CDH18: variants seen among roughly 807,000 people sequenced by gnomAD.
CDH18 encodes the protein cadherin-18.
In CDH18, 31 loss-of-function variants were observed where a neutral mutation model predicts 67.9. That is an observed-to-expected ratio of 0.46 (90% confidence interval 0.34 to 0.62). CDH18 has a LOEUF of 0.62. CDH18 is among the 20% of genes least tolerant of loss of function. CDH18 has a pLI of 0.01. For synonymous variants in CDH18, 362 were observed against 347.2 expected, an observed-to-expected ratio of 1.04 and a Z score of -0.48; for missense variants, 890 against 975.5, an observed-to-expected ratio of 0.91 and a Z score of 1.17.
At chr5:20,080,200 T>C (rs550763208) in intron 2 of CDH18, among the ~76,000 whole-genome samples, 2 of 152,328 alleles carry the variant, frequency 1.3e-5, no homozygotes, top group East Asian at 1.9e-4. Context: ...CTTTTCTTTA[T>C]ACATAATGAC....
At chr5:20,108,255 T>G (rs1314151551) in intron 2 of CDH18, among the ~76,000 whole-genome samples, 2 of 152,020 alleles carry the variant, frequency 1.3e-5, no homozygotes, top group South Asian at 2.1e-4. Context: ...AATTTTATTT[T>G]ATTTTTTTTT....
chr5:19,813,039 A>G (rs914947450), intron 3 of CDH18, among the ~76,000 whole-genome samples: 30 of 152,128 alleles, frequency 2.0e-4, no homozygotes, highest in African/African-American at 6.5e-4. Context: ...CTAACACAGG[A>G]ACAGAAAACC....
intron 11 of CDH18, among the ~76,000 whole-genome samples, chr5:19,485,709 T>C (rs764404939): frequency 6.6e-6 from 1 of 152,228 alleles, no homozygotes; most frequent in African/African-American, 2.4e-5. Flanking sequence ...TGCATCACAA[T>C]GAACAGAAGT....
At chr5:19,963,756 T>C (rs768029171) in intron 2 of CDH18, among the ~76,000 whole-genome samples, 2 of 151,804 alleles carry the variant, frequency 1.3e-5, no homozygotes, top group Non-Finnish European at 2.9e-5. Context: ...AATGGACAAA[T>C]AAAGTAATTT....
At chr5:19,759,232 T>C (rs1772020652) in intron 3 of CDH18, among the ~76,000 whole-genome samples, 1 of 152,210 alleles carries the variant, frequency 6.6e-6, no homozygotes, top group African/African-American at 2.4e-5. Flanking sequence ...ATCCACCTGT[T>C]TTCTGCACAG....
intron 3 of CDH18, among the ~76,000 whole-genome samples, chr5:19,776,238 GATCTAAGGAGGACAA>G (rs1279712671): frequency 6.6e-6 from 1 of 152,110 alleles, no homozygotes; most frequent in Non-Finnish European, 1.5e-5. Flanking sequence ...TAATTGTTAG[GATCTAAGGAGGACAA>G]ATGCACGTTT....
intron 1 of CDH18, among the ~76,000 whole-genome samples, chr5:20,508,180 A>G (rs2126471956): frequency 6.6e-6 from 1 of 151,688 alleles, no homozygotes. Context: ...CTTCTTCTCC[A>G]TGAGGGTAAT....
chr5:20,202,144 A>C (rs1374418851), intron 2 of CDH18, among the ~76,000 whole-genome samples: 1 of 152,202 alleles, frequency 6.6e-6, no homozygotes, highest in Non-Finnish European at 1.5e-5. Context: ...GCTGACAAAC[A>C]GTTTGCTGTA....
At chr5:19,724,604 C>T (rs1297483089) in intron 4 of CDH18, among the ~76,000 whole-genome samples, 1 of 151,798 alleles carries the variant, frequency 6.6e-6, no homozygotes, top group South Asian at 2.1e-4. Context: ...ATTTCAATAA[C>T]CTGGTTATGA....
chr5:19,874,006 G>T (rs1002401790), intron 2 of CDH18, among the ~76,000 whole-genome samples: 2 of 152,090 alleles, frequency 1.3e-5, no homozygotes, highest in African/African-American at 4.8e-5. Flanking sequence ...TTTCCACAAA[G>T]AACATGTTGC....
intron 2 of CDH18, among the ~76,000 whole-genome samples, chr5:19,965,029 G>A (rs1026884203): frequency 6.6e-6 from 1 of 152,044 alleles, no homozygotes; most frequent in South Asian, 2.1e-4. Context: ...CCATAAAATG[G>A]TTGTACTTAT....
chr5:20,454,850 G>T (rs924183719), intron 1 of CDH18, among the ~76,000 whole-genome samples: 1 of 152,050 alleles, frequency 6.6e-6, no homozygotes, highest in Non-Finnish European at 1.5e-5. Context: ...ATTCACTGCC[G>T]TTATAGCAAG....
At chr5:20,290,854 T>C (rs1447579020) in intron 1 of CDH18, among the ~76,000 whole-genome samples, 1 of 152,162 alleles carries the variant, frequency 6.6e-6, no homozygotes, top group Non-Finnish European at 1.5e-5. Flanking sequence ...TGTCATTCTA[T>C]GAAGCCTGGT....
intron 2 of CDH18, among the ~76,000 whole-genome samples, chr5:20,204,836 G>T (rs1019820437): frequency 2.0e-5 from 3 of 151,260 alleles, no homozygotes; most frequent in African/African-American, 7.3e-5. Flanking sequence ...TGTGATCTAG[G>T]TCATCATTTC....
At position 19,804,988 on chromosome 5, in the gene CDH18, A is replaced by C. The variant is rs1424471007; in HGVS notation, c.228+33771T>G. Among the ~76,000 whole-genome samples, 3 of 151,544 alleles carry C rather than the reference A, an allele frequency of 2.0e-5. No homozygotes were observed. The East Asian group carries it at 5.9e-4, about 30-fold the overall frequency. On this transcript the variant is annotated intron_variant, in intron 3 of 12. Coordinates refer to ENST00000382275, the MANE Select transcript of CDH18 (RefSeq NM_004934.5). ...TGGACAGGGTGTGGCTCTGTCACCC[A>C]GGCTGAAGTCCCATGGCACACAATC...
chr5:19,941,002 G>C (rs1794753905), intron 2 of CDH18, among the ~76,000 whole-genome samples: 2 of 152,124 alleles, frequency 1.3e-5, no homozygotes, highest in African/African-American at 2.4e-5. Context: ...GAAAAGTTCA[G>C]AGAGAGTAAA....
intron 10 of CDH18, among the ~76,000 whole-genome samples, chr5:19,510,643 T>C (rs1744960455): frequency 2.0e-5 from 3 of 152,080 alleles, no homozygotes; most frequent in African/African-American, 7.2e-5. Flanking sequence ...CTTTTTGATA[T>C]GGTTAGGTTT....
rs537507664 is a variant in CDH18 at position 20,469,059 on chromosome 5, G to T, written c.-580+106403C>A. On this transcript the variant is annotated intron_variant, in intron 1 of 14. Transcript: ENST00000507958. ...TTCTAGCCTCTTTGCAACACAGTAT[G>T]TAACGGTAATGGTGGCAACAGGAAG... 1.2e-3 allele frequency among the ~76,000 whole-genome samples: 180 copies of T among 152,292 alleles called. 1 individual carries two copies. Among genetic ancestry groups the T allele is most frequent in the African/African-American group, 4.3e-3 (178 of 41,560 alleles).
intron 2 of CDH18, among the ~76,000 whole-genome samples, chr5:19,915,576 C>T (rs574066082): frequency 7.8e-4 from 118 of 152,130 alleles, no homozygotes; most frequent in Non-Finnish European, 1.5e-3. Flanking sequence ...TATTTCTATA[C>T]TGTATTCATA....
Sources: gnomAD v4.1 joint callset for allele counts (sites outside exome capture counted in the v4.1 genomes callset) on GRCh38, gnomAD v4.1.1 for gene constraint, MANE v1.5 for transcripts, NCBI Gene and HGNC (gene_info 2026-07-23, HGNC 2026-07-21) for gene names.